GARNL3: variants seen among roughly 807,000 people sequenced by gnomAD.
The protein encoded by GARNL3 is GTPase activating Rap/RanGAP domain like 3.
GARNL3 carries 63 observed loss-of-function variants against 125.0 expected under a neutral mutation model. The observed-to-expected ratio is 0.50, with a 90% confidence interval of 0.41 to 0.62. The LOEUF (loss-of-function observed/expected upper bound fraction) is 0.62. GARNL3 is among the 20% of genes least tolerant of loss of function. The probability of loss-of-function intolerance (pLI) is 0.00; values close to 1 mark genes in which losing one functional copy is unlikely to be tolerated. For missense variants in GARNL3, 994 were observed against 1,244.0 expected (o/e 0.80, Z 3.02); for synonymous variants, 439 against 457.5 (o/e 0.96, Z 0.52).
chr9:127,348,081 G>A (rs902747909), intron 16 of GARNL3, among the ~76,000 whole-genome samples: 20 of 152,290 alleles, frequency 1.3e-4, no homozygotes, highest in African/African-American at 9.6e-5. Context: ...GCCCCAGGTG[G>A]GACACATCAG....
At chr9:127,299,833 G>A (rs2064728585) in intron 2 of GARNL3, among the ~76,000 whole-genome samples, 1 of 152,100 alleles carries the variant, frequency 6.6e-6, no homozygotes, top group African/African-American at 2.4e-5. Context: ...CCAAAGTGCT[G>A]GGATTACAGG....
intron 2 of GARNL3, among the ~76,000 whole-genome samples, chr9:127,298,021 A>G (rs926617413): frequency 1.3e-5 from 2 of 152,218 alleles, no homozygotes; most frequent in African/African-American, 4.8e-5. Flanking sequence ...TATTTGGTTA[A>G]TAGAATTACT....
chr9:127,297,594 A>G (rs1480005001), intron 2 of GARNL3, among the ~76,000 whole-genome samples: 1 of 152,230 alleles, frequency 6.6e-6, no homozygotes, highest in Non-Finnish European at 1.5e-5. Context: ...ATGAAGTCAC[A>G]TGTGTTGATA....
At chr9:127,291,726 CTTTTTTTTTT>C (rs142800268) in intron 2 of GARNL3, among the ~76,000 whole-genome samples, 1 of 59,304 alleles carries the variant, frequency 1.7e-5, no homozygotes. Flanking sequence ...ACTCACCTTG[CTTTTTTTTTT>C]TTTTTTTTTT....
Position 127,360,018 on chromosome 9 carries a change from T to A in GARNL3, c.2094+2641T>A, listed in dbSNP as rs1010259558. On this transcript the variant is annotated intron_variant, in intron 21 of 27. Transcript: ENST00000373387. The stretch of plus-strand genomic sequence containing the variant: ...AGTTTTTTCCTAAGAGAAAAAAAAA[T>A]GTATTTTTGTTGTTGTTGTTGAGAC... Among the ~76,000 whole-genome samples, 1,258 of 146,754 alleles carry A rather than the reference T, an allele frequency of 8.6e-3. 18 individuals carry two copies. Among genetic ancestry groups the A allele is most frequent in the African/African-American group, 0.029 (1,164 of 39,568 alleles).
chr9:127,299,634 G>C (rs2064721920), intron 2 of GARNL3, among the ~76,000 whole-genome samples: 1 of 151,766 alleles, frequency 6.6e-6, no homozygotes, highest in African/African-American at 2.4e-5. Context: ...GCAATGGCGT[G>C]ATCTCAGCTC....
intron 1 of GARNL3, among the ~76,000 whole-genome samples, chr9:127,265,660 G>A (rs1306908393): frequency 2.0e-5 from 3 of 152,144 alleles, no homozygotes; most frequent in Non-Finnish European, 4.4e-5. Context: ...AAGATAGAAT[G>A]TGATTTTTTC....
chr9:127,231,053 T>A (rs58457444), intron 1 of GARNL3, among the ~76,000 whole-genome samples: 22,117 of 75,194 alleles, frequency 0.29, 3,139 homozygotes, highest in Admixed American at 0.38. Context: ...TATATATATT[T>A]TTTTTTTTTT....
chr9:127,356,750 G>A (rs1172790773), intron 20 of GARNL3, among the ~76,000 whole-genome samples: 1 of 152,148 alleles, frequency 6.6e-6, no homozygotes, highest in Non-Finnish European at 1.5e-5. Context: ...GCTCTACCCT[G>A]TGTAAACTTT....
chr9:127,345,341 T>C lies in GARNL3; in HGVS notation c.1357-62T>C, dbSNP rs1407613971. On this transcript the variant is annotated intron_variant, in intron 15 of 27. Transcript: ENST00000373387. ...TTATTAAATTTTTGTCAAATCACAA[T>C]TGTTTATCCTGCTGTACTTTTGCCG... is the stretch of plus-strand genomic sequence containing the variant. 9 of 1,025,934 alleles carry C rather than the reference T, an allele frequency of 8.8e-6. No individual in the cohort carries two copies. The East Asian group carries it at 2.3e-4, about 27-fold the overall frequency. The allele number at this position is 1,025,934 out of a possible 1,614,324, so 63.6% of individuals were successfully genotyped here.
Position 127,279,069 on chromosome 9 carries a change from T to TG in GARNL3, c.145-12091dup, listed in dbSNP as rs576621766. On this transcript the variant is annotated intron_variant, in intron 1 of 27. Coordinates refer to ENST00000373387, the MANE Select transcript of GARNL3 (RefSeq NM_032293.5). ...CTCAGGTTCCAGGTGGACCTGAATT[T>TG]GGGGGGGGACACTATTCAACCAGTA... is the stretch of plus-strand genomic sequence containing the variant. Among the ~76,000 whole-genome samples, 425 of 151,814 alleles carry TG rather than the reference T, an allele frequency of 2.8e-3. 2 individuals are homozygous for TG. The highest frequency in any genetic ancestry group is 9.4e-3 in the African/African-American group (388 of 41,386).
At chr9:127,289,804 A>G (rs2064361178) in intron 1 of GARNL3, among the ~76,000 whole-genome samples, 2 of 152,350 alleles carry the variant, frequency 1.3e-5, no homozygotes, top group East Asian at 1.9e-4. Context: ...ATTCATGACT[A>G]CACAGCCTCT....
chr9:127,298,902 G>T (rs1417302846), intron 2 of GARNL3, among the ~76,000 whole-genome samples: 1 of 152,184 alleles, frequency 6.6e-6, no homozygotes, highest in African/African-American at 2.4e-5. Context: ...TGTATTACTG[G>T]TGAGGAAGCC....
intron 7 of GARNL3, among the ~76,000 whole-genome samples, chr9:127,332,020 G>T (rs56007242): frequency 0.015 from 2,294 of 152,080 alleles, 26 homozygotes; most frequent in Non-Finnish European, 0.025. Flanking sequence ...TCCTAGAGAT[G>T]CCATTAGTAA....
At chr9:127,318,416 C>T (rs968033869) in intron 5 of GARNL3, among the ~76,000 whole-genome samples, 1 of 152,142 alleles carries the variant, frequency 6.6e-6, no homozygotes, top group Non-Finnish European at 1.5e-5. Context: ...AGTCCAGGTC[C>T]AACTGATTTT....
chr9:127,314,764 T>G (rs2065191853), intron 4 of GARNL3, among the ~76,000 whole-genome samples: 1 of 152,142 alleles, frequency 6.6e-6, no homozygotes, highest in Non-Finnish European at 1.5e-5. Flanking sequence ...AAAGATACTG[T>G]CTATATGACA....
chr9:127,370,508 C>T (rs1412885050), intron 22 of GARNL3, among the ~76,000 whole-genome samples: 2 of 152,178 alleles, frequency 1.3e-5, no homozygotes, highest in East Asian at 1.9e-4. Flanking sequence ...CTCTCTGGCC[C>T]GGACCCCAGG....
chr9:127,340,206 GAGAA>G (rs1829788392), intron 13 of GARNL3, among the ~76,000 whole-genome samples: 2 of 152,300 alleles, frequency 1.3e-5, no homozygotes, highest in South Asian at 2.1e-4. Context: ...GTGTGGGAAA[GAGAA>G]AGACAGAATG....
chr9:127,232,661 A>AT (rs2063039821), intron 1 of GARNL3, among the ~76,000 whole-genome samples: 1 of 152,106 alleles, frequency 6.6e-6, no homozygotes, highest in Admixed American at 6.6e-5. Flanking sequence ...CAGTAGTTAA[A>AT]TTTTTTCTTA....
Sources: allele counts gnomAD v4.1 joint callset (sites outside exome capture counted in the v4.1 genomes callset), GRCh38; gene constraint gnomAD v4.1.1; transcripts MANE v1.5; gene names NCBI Gene and HGNC (gene_info 2026-07-23, HGNC 2026-07-21).